The following IPMK variants were observed in gnomAD, a reference collection of about 807,000 sequenced individuals.
IPMK encodes inositol polyphosphate multikinase, also known as inositol 1,3,4,6-tetrakisphosphate 5-kinase.
A neutral mutation model predicts 45.8 loss-of-function variants in IPMK; 17 were observed. The observed-to-expected ratio is 0.37, with a 90% CI of 0.25 to 0.56. The LOEUF is 0.56. IPMK is among the 20% of genes least tolerant of loss of function. IPMK has a pLI of 0.79. For synonymous variants in IPMK, 180 were observed against 184.3 expected (o/e 0.98, Z 0.19); for missense variants, 399 against 498.0 (o/e 0.80, Z 1.89).
At chr10:58,196,740 A>G (rs756213118) in intron 5 of IPMK, 42 bp from the exon 6 acceptor site, 3 of 1,332,914 alleles carry the variant, frequency 2.3e-6, no homozygotes, top group Non-Finnish European at 3.1e-6. Flanking sequence ...AAATTATGAA[A>G]TAACTATTAT....
intron 1 of IPMK, among the ~76,000 whole-genome samples, chr10:58,247,714 G>A (rs1169110644): frequency 6.6e-6 from 1 of 152,170 alleles, no homozygotes; most frequent in Non-Finnish European, 1.5e-5. Context: ...TAGATGGCGA[G>A]TTAGTGAGTG....
chr10:58,225,219 T>C (rs1838395416), intron 3 of IPMK, among the ~76,000 whole-genome samples: 1 of 152,202 alleles, frequency 6.6e-6, no homozygotes, highest in South Asian at 2.1e-4. Flanking sequence ...ATGAGAGAAT[T>C]AGAGTTTATA....
chr10:58,256,376 C>T (rs1238747032), intron 1 of IPMK, among the ~76,000 whole-genome samples: 2 of 152,166 alleles, frequency 1.3e-5, no homozygotes, highest in Admixed American at 1.3e-4. Context: ...CTGCAGTGCC[C>T]TCAGGCTTGC....
At chr10:58,210,432 C>T (rs1253551868) in intron 4 of IPMK, among the ~76,000 whole-genome samples, 3 of 152,184 alleles carry the variant, frequency 2.0e-5, no homozygotes, top group African/African-American at 7.2e-5. Flanking sequence ...GTGCTCCTAT[C>T]TGCAGCATTT....
At position 58,195,889 on chromosome 10, in the gene IPMK, C is replaced by G. The variant is rs564960932; in HGVS notation, c.*187G>C. The G allele has an allele frequency of 2.5e-4, 143 of 577,530 alleles. No homozygotes were observed. The East Asian group carries it at 4.3e-3, about 17-fold the overall frequency. 35.8% of individuals were successfully genotyped at this position (577,530 alleles called of 1,614,324 possible). ...AAGTTTCTTTATTCTTCATAGTTTT[C>G]TAATGAACAAATAGTTAGTTTTCCT... On this transcript the variant is annotated 3_prime_UTR_variant, in exon 6 of 6. Transcript: ENST00000373935.
chr10:58,248,064 C>T (rs904131605), intron 1 of IPMK, among the ~76,000 whole-genome samples: 2 of 152,062 alleles, frequency 1.3e-5, no homozygotes, highest in Non-Finnish European at 2.9e-5. Context: ...GTTGCACATG[C>T]TCCTTGTGAA....
At chr10:58,213,516 C>G (rs1402771861) in intron 4 of IPMK, among the ~76,000 whole-genome samples, 1 of 151,928 alleles carries the variant, frequency 6.6e-6, no homozygotes, top group East Asian at 1.9e-4. Context: ...AATCCCATAT[C>G]TACTAAAAAA....
chr10:58,242,221 A>T (rs1838705160), intron 1 of IPMK, among the ~76,000 whole-genome samples: 1 of 152,146 alleles, frequency 6.6e-6, no homozygotes, highest in Non-Finnish European at 1.5e-5. Flanking sequence ...AGTACACAAC[A>T]TGGATGAAAA....
chr10:58,232,670 C>T (rs1440532797), intron 2 of IPMK, among the ~76,000 whole-genome samples: 1 of 152,152 alleles, frequency 6.6e-6, no homozygotes, highest in African/African-American at 2.4e-5. Flanking sequence ...CTCTGGGACA[C>T]ATTTAAAGCA....
intron 2 of IPMK, among the ~76,000 whole-genome samples, chr10:58,234,906 C>T (rs1157531807): frequency 1.1e-4 from 16 of 151,452 alleles, no homozygotes; most frequent in Non-Finnish European, 2.4e-4. Flanking sequence ...AAAATTTTTG[C>T]AATCTACCCA....
At chr10:58,206,201 A>G (rs1838069204) in intron 4 of IPMK, among the ~76,000 whole-genome samples, 1 of 142,798 alleles carries the variant, frequency 7.0e-6, no homozygotes, top group Non-Finnish European at 1.5e-5. Flanking sequence ...GTCACAAAAT[A>G]CCACACATTG....
rs753050298 is a variant in IPMK at position 58,211,901 on chromosome 10, C to CAAAAAAA, written c.546+4237_546+4243dup. Among the ~76,000 whole-genome samples, 50 of 50,368 alleles carry CAAAAAAA rather than the reference C, an allele frequency of 9.9e-4. 2 individuals carry two copies. The highest frequency in any genetic ancestry group is 6.1e-3 in the East Asian group (8 of 1,306). 33.0% of individuals were successfully genotyped at this position (50,368 alleles called of 152,430 possible). A position where few individuals can be genotyped will look rare whatever the true frequency, so the allele number is the denominator to read the frequency against. On this transcript the variant is annotated intron_variant, in intron 4 of 5. Transcript: ENST00000373935. ...CACTCCAGCCTGGGTGACATCTCAC[C>CAAAAAAA]AAAAAAAAAAAAAAAAAAAAAAAAT...
chr10:58,243,860 G>A (rs1470338326), intron 1 of IPMK, among the ~76,000 whole-genome samples: 6 of 151,520 alleles, frequency 4.0e-5, no homozygotes, highest in South Asian at 2.1e-4. Flanking sequence ...CCCTCTGCCC[G>A]GCCGCCCCAT....
chr10:58,217,896 T>C (rs1838271658), intron 3 of IPMK, among the ~76,000 whole-genome samples: 1 of 152,032 alleles, frequency 6.6e-6, no homozygotes, highest in Non-Finnish European at 1.5e-5. Flanking sequence ...TACTCTCTGA[T>C]GTCCTTTCAT....
Position 58,194,175 on chromosome 10 carries a change from T to C in IPMK, c.*1901A>G, listed in dbSNP as rs1480462968. ...GTTTATTAAATTCATTGTACATAGG[T>C]TGATATCATCCCATACAAAAAAAGC... On this transcript the variant is annotated 3_prime_UTR_variant, in exon 6 of 6. Transcript: ENST00000373935. 1.3e-5 allele frequency: 2 copies of C among 151,816 alleles called. No individual in the cohort carries two copies. The highest frequency in any genetic ancestry group is 6.6e-5 in the Admixed American group (1 of 15,248). The allele number at this position is 151,816 out of a possible 1,614,324, so 9.4% of individuals were successfully genotyped here. A position where few individuals can be genotyped will look rare whatever the true frequency, so the allele number is the denominator to read the frequency against.
chr10:58,266,387 TG>T (rs1839147481), intron 1 of IPMK, among the ~76,000 whole-genome samples: 1 of 152,168 alleles, frequency 6.6e-6, no homozygotes, highest in Non-Finnish European at 1.5e-5. Context: ...ACACAATACA[TG>T]GTGAAAAAAT....
chr10:58,241,106 A>G (rs192970147), intron 1 of IPMK, among the ~76,000 whole-genome samples: 70 of 152,318 alleles, frequency 4.6e-4, no homozygotes, highest in African/African-American at 1.6e-3. Flanking sequence ...AATCATATGC[A>G]GTCCTAACTT....
intron 2 of IPMK, among the ~76,000 whole-genome samples, chr10:58,236,032 G>T (rs1161937676): frequency 1.3e-5 from 2 of 151,520 alleles, no homozygotes; most frequent in Non-Finnish European, 2.9e-5. Flanking sequence ...GGGTTCAAAT[G>T]ATTTTCCTGC....
At chr10:58,259,671 TAA>T (rs560813021) in intron 1 of IPMK, among the ~76,000 whole-genome samples, 4 of 86,740 alleles carry the variant, frequency 4.6e-5, no homozygotes, top group South Asian at 4.2e-4. Context: ...CATCTCTACA[TAA>T]AAAAAAAAAA....
Sources: gnomAD v4.1 joint callset for allele counts (sites outside exome capture counted in the v4.1 genomes callset) on GRCh38, gnomAD v4.1.1 for gene constraint, MANE v1.5 for transcripts, NCBI Gene and HGNC (gene_info 2026-07-23, HGNC 2026-07-21) for gene names.